The following UNC13C variants were observed in gnomAD, a reference collection of about 807,000 sequenced individuals.
UNC13C encodes protein unc-13 homolog C.
Under a neutral mutation model 245.4 loss-of-function variants are expected in UNC13C, and 174 were observed. That is an observed-to-expected ratio of 0.71 (90% CI 0.63 to 0.80). The LOEUF (loss-of-function observed/expected upper bound fraction) is 0.80. Among genes scored for constraint, UNC13C ranks in the 30% least tolerant of loss-of-function variants. The pLI is 0.00. For synonymous variants in UNC13C, 992 were observed against 895.1 expected, an observed-to-expected ratio of 1.11 and a Z score of -1.93; for missense variants, 2,829 against 2,602.9, an observed-to-expected ratio of 1.09 and a Z score of -1.89.
At chr15:54,139,324 C>A (rs1380774854) in intron 2 of UNC13C, among the ~76,000 whole-genome samples, 3 of 152,114 alleles carry the variant, frequency 2.0e-5, no homozygotes, top group Admixed American at 6.5e-5. Context: ...TCTAGTATGG[C>A]ATGTTTTAAC....
chr15:54,198,862 A>C (rs12440360), intron 4 of UNC13C, among the ~76,000 whole-genome samples: 56,248 of 151,908 alleles, frequency 0.37, 11,691 homozygotes, highest in Non-Finnish European at 0.47. Context: ...ATCAAGAAAA[A>C]AATCTCTGAA....
At chr15:53,936,886 C>A in the UNC13C span, among the ~76,000 whole-genome samples, 1 of 152,158 alleles carries the variant, frequency 6.6e-6, no homozygotes, top group African/African-American at 2.4e-5. Context: ...TGGTCAGCAA[C>A]CTCAAAGACC....
intron 2 of UNC13C, among the ~76,000 whole-genome samples, chr15:54,059,797 C>G (rs1022348238): frequency 3.3e-5 from 5 of 152,132 alleles, no homozygotes; most frequent in African/African-American, 1.2e-4. Context: ...GAACAGAGCC[C>G]TCAGAAATAA....
At chr15:54,223,969 T>G (rs1376247261) in intron 4 of UNC13C, among the ~76,000 whole-genome samples, 1 of 152,122 alleles carries the variant, frequency 6.6e-6, no homozygotes, top group African/African-American at 2.4e-5. Flanking sequence ...ATGCTACTGA[T>G]TTTTGTATGT....
intron 19 of UNC13C, among the ~76,000 whole-genome samples, chr15:54,470,969 A>G (rs1892432078): frequency 6.6e-6 from 1 of 151,004 alleles, no homozygotes; most frequent in African/African-American, 2.4e-5. Flanking sequence ...TTAACCCTAT[A>G]GTTTTTTAGG....
chr15:53,883,547 T>C, the UNC13C span, among the ~76,000 whole-genome samples: 6 of 152,200 alleles, frequency 3.9e-5, no homozygotes, highest in Admixed American at 2.0e-4. Flanking sequence ...CATCCTTTCA[T>C]AGAGCTATTG....
At chr15:54,218,503 A>G (rs572713006) in intron 4 of UNC13C, among the ~76,000 whole-genome samples, 33 of 152,106 alleles carry the variant, frequency 2.2e-4, no homozygotes, top group African/African-American at 7.9e-4. Context: ...GAAGTGTGGA[A>G]TAGTATGATG....
the UNC13C span, among the ~76,000 whole-genome samples, chr15:53,873,702 C>T: frequency 3.7e-4 from 1 of 2,696 alleles, no homozygotes; most frequent in African/African-American, 7.1e-4. Flanking sequence ...CAACACCTCC[C>T]TCCTTCCATG....
At chr15:54,396,868 G>A (rs952955757) in intron 18 of UNC13C, among the ~76,000 whole-genome samples, 3 of 150,082 alleles carry the variant, frequency 2.0e-5, no homozygotes, top group African/African-American at 4.9e-5. Context: ...TCCAAATTAG[G>A]ATGTTTATCT....
chr15:54,620,502 G>A (rs977449527), intron 30 of UNC13C, among the ~76,000 whole-genome samples: 1 of 152,102 alleles, frequency 6.6e-6, no homozygotes, highest in Non-Finnish European at 1.5e-5. Flanking sequence ...TCCCAATCCA[G>A]GTTCATACTG....
chr15:54,611,045 A>G (rs1273354167), intron 30 of UNC13C, among the ~76,000 whole-genome samples: 1 of 152,230 alleles, frequency 6.6e-6, no homozygotes, highest in Non-Finnish European at 1.5e-5. Flanking sequence ...ACAGGGATAC[A>G]CGATGAGGTG....
chr15:54,500,138 T>C lies in UNC13C; in HGVS notation c.5120T>C (p.Phe1707Ser). Residue 1707 changes from phenylalanine (F) to serine (S), a missense_variant, in exon 21 of 33, where the codon TTC becomes TCC. By Grantham distance (155) the Phe-to-Ser change is radical (BLOSUM62 -2). Coordinates refer to ENST00000260323, the MANE Select transcript of UNC13C (RefSeq NM_001080534.3). ...LDENEDVSMEFLHGALGRDKK... is the reference protein window; with the variant it reads ...LDENEDVSMESLHGALGRDKK... ...GAAAACGAAGATGTGTCAATGGAAT[T>C]CCTTCATGGAGCACTGGGAAGAGAC... The C allele has an allele frequency of 6.2e-7, 1 of 1,611,192 alleles. No individual in the cohort carries two copies. The highest frequency in any genetic ancestry group is 8.5e-7 in the Non-Finnish European group (1 of 1,179,010).
In UNC13C at chr15:54,573,438, G is replaced by A. The variant is rs139615539; in HGVS notation, c.6106+5491G>A. 2.3e-4 allele frequency among the ~76,000 whole-genome samples: 35 copies of A among 152,336 alleles called. No homozygotes were observed. In the East Asian group the frequency reaches 6.7e-3, roughly 29 times the overall value. On this transcript the variant is annotated intron_variant, in intron 30 of 32. Transcript: ENST00000260323. ...GAAAATAAACAAATCCAAAATGGAT[G>A]TAGAAGTATTCTTAAGTTTTTAAGT...
intron 18 of UNC13C, among the ~76,000 whole-genome samples, chr15:54,409,867 G>C (rs1027044722): frequency 6.6e-6 from 1 of 152,022 alleles, no homozygotes; most frequent in Non-Finnish European, 1.5e-5. Context: ...TTTTGGTAGA[G>C]AGATTTGTTT....
At chr15:54,381,174 T>G (rs2039716365) in intron 17 of UNC13C, among the ~76,000 whole-genome samples, 1 of 152,204 alleles carries the variant, frequency 6.6e-6, no homozygotes. Context: ...TTCTTCTGCA[T>G]GTGGATGTCT....
At chr15:54,319,484 T>A (rs1052931641) in intron 13 of UNC13C, among the ~76,000 whole-genome samples, 8 of 151,912 alleles carry the variant, frequency 5.3e-5, no homozygotes, top group Admixed American at 4.6e-4. Flanking sequence ...ATAATCGAAA[T>A]CCAGGGTTAA....
intron 19 of UNC13C, among the ~76,000 whole-genome samples, chr15:54,451,700 T>A (rs1891185045): frequency 6.6e-6 from 1 of 152,246 alleles, no homozygotes; most frequent in African/African-American, 2.4e-5. Flanking sequence ...ATCTGTATTG[T>A]GTTGTTCCTT....
Position 54,274,373 on chromosome 15 carries a change from G to A in UNC13C, c.3818+8877G>A, listed in dbSNP as rs544871972. On this transcript the variant is annotated intron_variant, in intron 10 of 32. Transcript: ENST00000260323. Reference sequence around the variant, plus strand: ...AAATATCATTATAATTATAGGCATGGATATTTGTGTGGTCATTTACTGTAT... The same window carrying A: ...AAATATCATTATAATTATAGGCATGAATATTTGTGTGGTCATTTACTGTAT... Among the ~76,000 whole-genome samples the A allele has an allele frequency of 4.6e-5, 7 of 152,230 alleles. No homozygotes were observed. The South Asian group carries it at 1.5e-3, about 32-fold the overall frequency.
At chr15:54,484,871 T>C (rs1319783946) in intron 19 of UNC13C, among the ~76,000 whole-genome samples, 3 of 152,204 alleles carry the variant, frequency 2.0e-5, no homozygotes, top group African/African-American at 7.2e-5. Flanking sequence ...TTTCAAGAGG[T>C]AAAATCCACA....
Sources: allele counts gnomAD v4.1 joint callset (sites outside exome capture counted in the v4.1 genomes callset), GRCh38; gene constraint gnomAD v4.1.1; transcripts MANE v1.5; gene names NCBI Gene and HGNC (gene_info 2026-07-23, HGNC 2026-07-21).